The following ELOVL6 variants were observed in gnomAD, a reference collection of about 807,000 sequenced individuals.
The protein encoded by ELOVL6 is very long chain fatty acid elongase 6.
In ELOVL6, 8 loss-of-function variants were observed where a neutral mutation model predicts 31.7. That is an observed-to-expected ratio of 0.25 (90% CI 0.15 to 0.45). The LOEUF is 0.45. Ranked by LOEUF, ELOVL6 falls within the 20% of genes least tolerant of loss-of-function variation. ELOVL6 has a pLI of 1.00. For missense variants in ELOVL6, 126 were observed against 326.4 expected, an observed-to-expected ratio of 0.39 and a Z score of 4.73; for synonymous variants, 101 against 117.7, an observed-to-expected ratio of 0.86 and a Z score of 0.92.
chr4:110,144,054 C>CAAAAAA (rs10716398), intron 1 of ELOVL6, among the ~76,000 whole-genome samples: 14 of 85,582 alleles, frequency 1.6e-4, no homozygotes, highest in African/African-American at 5.6e-4. Context: ...AACTCCATCT[C>CAAAAAA]AAAAAAAAAA....
chr4:110,102,936 G>A (rs901021384), intron 2 of ELOVL6, among the ~76,000 whole-genome samples: 9 of 149,678 alleles, frequency 6.0e-5, no homozygotes, highest in Non-Finnish European at 8.9e-5. Context: ...GACGGGGGGC[G>A]GGTAGGGGGT....
intron 1 of ELOVL6, among the ~76,000 whole-genome samples, chr4:110,139,496 T>C (rs967007889): frequency 1.3e-5 from 2 of 152,224 alleles, no homozygotes; most frequent in Admixed American, 1.3e-4. Flanking sequence ...AGAATAACAA[T>C]GCACACACAA....
At chr4:110,084,469 TAACAATATA>T (rs2126235840) in intron 2 of ELOVL6, among the ~76,000 whole-genome samples, 2 of 118,884 alleles carry the variant, frequency 1.7e-5, no homozygotes, top group South Asian at 2.5e-4. Flanking sequence ...ATATGATATA[TAACAATATA>T]CACTATAATG....
At chr4:110,081,756 AC>A (rs1755860294) in intron 2 of ELOVL6, among the ~76,000 whole-genome samples, 2 of 150,308 alleles carry the variant, frequency 1.3e-5, no homozygotes, top group Non-Finnish European at 3.0e-5. Context: ...ATCTAATTAA[AC>A]TAAAGAGCTT....
chr4:110,197,531 A>G (rs1457958063), intron 1 of ELOVL6, among the ~76,000 whole-genome samples: 1 of 152,154 alleles, frequency 6.6e-6, no homozygotes, highest in Non-Finnish European at 1.5e-5. Flanking sequence ...GCGTTTCCGT[A>G]AAACAGAAAC....
At chr4:110,084,268 GTGATATATAACATATATAACTTATATA>G (rs1204787623) in intron 2 of ELOVL6, among the ~76,000 whole-genome samples, 16 of 111,692 alleles carry the variant, frequency 1.4e-4, no homozygotes, top group African/African-American at 6.9e-4. Flanking sequence ...TAGCTTATAT[GTGATATATAACATATATAACTTATATA>G]TGATATATAA....
intron 1 of ELOVL6, among the ~76,000 whole-genome samples, chr4:110,111,874 C>T (rs1447401231): frequency 6.6e-6 from 1 of 152,174 alleles, no homozygotes; most frequent in Admixed American, 6.5e-5. Context: ...ATTCTGAAAA[C>T]TGCAGCAGAG....
chr4:110,127,222 C>A (rs994776274), intron 1 of ELOVL6, among the ~76,000 whole-genome samples: 1 of 151,902 alleles, frequency 6.6e-6, no homozygotes, highest in African/African-American at 2.4e-5. Context: ...GCCTGACCAA[C>A]ATGGTGAAAC....
intron 2 of ELOVL6, among the ~76,000 whole-genome samples, chr4:110,063,123 G>T (rs1446566311): frequency 6.6e-6 from 1 of 152,148 alleles, no homozygotes; most frequent in Non-Finnish European, 1.5e-5. Context: ...GGTAAGAGAG[G>T]TTAAGGTTAA....
chr4:110,176,035 G>GT (rs945589174), intron 1 of ELOVL6, among the ~76,000 whole-genome samples: 12 of 106,776 alleles, frequency 1.1e-4, no homozygotes, highest in African/African-American at 3.9e-4. Flanking sequence ...ATAGTGGTGA[G>GT]TTAAAAAAAA....
At chr4:110,059,536 T>G in intron 3 of ELOVL6, 67 bp downstream of exon 3, 1 of 1,477,020 alleles carries the variant, frequency 6.8e-7, no homozygotes, top group Non-Finnish European at 9.1e-7. Context: ...GTTTCTTTGC[T>G]CACTAAATAA....
chr4:110,098,733 C>T (rs1359827436), intron 2 of ELOVL6, among the ~76,000 whole-genome samples: 1 of 152,072 alleles, frequency 6.6e-6, no homozygotes, highest in Non-Finnish European at 1.5e-5. Flanking sequence ...TTTTATTACT[C>T]AGCATTATGC....
chr4:110,077,735 C>T (rs573447591), intron 2 of ELOVL6, among the ~76,000 whole-genome samples: 52 of 152,246 alleles, frequency 3.4e-4, no homozygotes, highest in East Asian at 7.7e-4. Flanking sequence ...CAAAGCTGGA[C>T]GGACAATGAC....
At chr4:110,130,603 G>A (rs1461839562) in intron 1 of ELOVL6, among the ~76,000 whole-genome samples, 1 of 152,166 alleles carries the variant, frequency 6.6e-6, no homozygotes, top group African/African-American at 2.4e-5. Flanking sequence ...TAAGGACAAC[G>A]TTCTGTGAAC....
intron 1 of ELOVL6, among the ~76,000 whole-genome samples, chr4:110,166,338 C>T (rs1333632328): frequency 2.0e-5 from 3 of 152,090 alleles, no homozygotes; most frequent in Non-Finnish European, 4.4e-5. Flanking sequence ...TTCAGCCAGG[C>T]GCGGTGGCTC....
At chr4:110,166,692 G>C (rs1016165727) in intron 1 of ELOVL6, among the ~76,000 whole-genome samples, 2 of 152,120 alleles carry the variant, frequency 1.3e-5, no homozygotes, top group African/African-American at 4.8e-5. Context: ...TCTCAGCATG[G>C]TCAGCCCTCA....
At chr4:110,107,320 A>G (rs68000146) in intron 1 of ELOVL6, among the ~76,000 whole-genome samples, 22,886 of 152,154 alleles carry the variant, frequency 0.15, 1,913 homozygotes, top group African/African-American at 0.22. Flanking sequence ...GACCTGGAAC[A>G]CAGTAGGTGC....
Position 110,175,894 on chromosome 4 carries a change from G to A in ELOVL6, c.89+22353C>T, listed in dbSNP as rs556362884. Among the ~76,000 whole-genome samples the A allele has an allele frequency of 2.0e-5, 3 of 152,266 alleles. No homozygotes were observed. In the South Asian group the frequency reaches 6.2e-4, roughly 32 times the overall value. ...TCAATGGTCACAGAGCTTTCTCAAT[G>A]TGGGGTCATGTTTTAGGATCTCATG... On this transcript the variant is annotated intron_variant, in intron 1 of 3. Transcript: ENST00000302274.
intron 1 of ELOVL6, among the ~76,000 whole-genome samples, chr4:110,127,342 G>T (rs2126256010): frequency 6.7e-6 from 1 of 148,954 alleles, no homozygotes; most frequent in African/African-American, 2.5e-5. Flanking sequence ...GGGAGGCAGA[G>T]GTTGCAGTGA....
Sources: allele counts gnomAD v4.1 joint callset (sites outside exome capture counted in the v4.1 genomes callset), GRCh38; gene constraint gnomAD v4.1.1; transcripts MANE v1.5; gene names NCBI Gene and HGNC (gene_info 2026-07-23, HGNC 2026-07-21).